The following DCDC2 variants were observed in gnomAD, a reference collection of about 807,000 sequenced individuals.
DCDC2 encodes the protein doublecortin domain containing 2.
In DCDC2, 40 loss-of-function variants were observed where a neutral mutation model predicts 50.2. The observed-to-expected ratio is 0.80, with a 90% CI of 0.62 to 1.04. The LOEUF (loss-of-function observed/expected upper bound fraction) is 1.04. DCDC2 is among the 50% of genes least tolerant of loss of function. The pLI is 0.00. For synonymous variants in DCDC2, 234 were observed against 210.6 expected (o/e 1.11, Z -0.96); for missense variants, 570 against 581.9 (o/e 0.98, Z 0.21).
the DCDC2 span, among the ~76,000 whole-genome samples, chr6:24,378,130 T>G: frequency 6.6e-6 from 1 of 152,238 alleles, no homozygotes; most frequent in Non-Finnish European, 1.5e-5. Context: ...AAACAGAAAT[T>G]GACCAGACCC....
At chr6:24,196,879 A>G (rs1189329574) in intron 8 of DCDC2, among the ~76,000 whole-genome samples, 3 of 152,228 alleles carry the variant, frequency 2.0e-5, no homozygotes, top group Non-Finnish European at 4.4e-5. Flanking sequence ...TGGTCTTACT[A>G]TAATGAAACT....
intron 2 of DCDC2, among the ~76,000 whole-genome samples, chr6:24,330,598 G>A (rs1430955331): frequency 6.6e-6 from 1 of 152,170 alleles, no homozygotes; most frequent in African/African-American, 2.4e-5. Flanking sequence ...TAGTGTGCAA[G>A]GCAGGCTATC....
intron 2 of DCDC2, among the ~76,000 whole-genome samples, chr6:24,327,719 C>T (rs1230009901): frequency 6.6e-6 from 1 of 152,130 alleles, no homozygotes; most frequent in Non-Finnish European, 1.5e-5. Context: ...GGTGATCCAA[C>T]TCGCCTCAGC....
intron 8 of DCDC2, among the ~76,000 whole-genome samples, chr6:24,189,426 G>T (rs1324679125): frequency 6.6e-6 from 1 of 152,186 alleles, no homozygotes; most frequent in Non-Finnish European, 1.5e-5. Flanking sequence ...TCCACAGGCA[G>T]ATGGGGCTGC....
chr6:24,364,173 C>T, the DCDC2 span, among the ~76,000 whole-genome samples: 1 of 152,282 alleles, frequency 6.6e-6, no homozygotes, highest in Admixed American at 6.5e-5. Context: ...GAAATCTTCT[C>T]TACCCCACTC....
At chr6:24,250,541 G>A (rs575559869) in intron 7 of DCDC2, among the ~76,000 whole-genome samples, 1 of 152,296 alleles carries the variant, frequency 6.6e-6, no homozygotes, top group African/African-American at 2.4e-5. Context: ...CTAAAAGCAT[G>A]TTGTCCCTTC....
At chr6:24,228,563 C>A (rs1762279526) in intron 7 of DCDC2, among the ~76,000 whole-genome samples, 2 of 152,144 alleles carry the variant, frequency 1.3e-5, no homozygotes, top group Non-Finnish European at 2.9e-5. Flanking sequence ...TGGTATTTTT[C>A]AAGCTGTGAT....
At chr6:24,318,780 C>CGGGTGTGTGTGTGTGT (rs140618484) in intron 2 of DCDC2, among the ~76,000 whole-genome samples, 1 of 149,558 alleles carries the variant, frequency 6.7e-6, no homozygotes, top group Non-Finnish European at 1.5e-5. Flanking sequence ...TATATACGTA[C>CGGGTGTGTGTGTGTGT]GTGTGTGTGT....
chr6:24,358,785 A>T (rs1760538608), upstream of DCDC2, among the ~76,000 whole-genome samples: 1 of 82,066 alleles, frequency 1.2e-5, no homozygotes, highest in African/African-American at 4.8e-5. Flanking sequence ...TATATAATAT[A>T]TAAAATATAT....
At chr6:24,344,487 T>C (rs141332395) in intron 2 of DCDC2, among the ~76,000 whole-genome samples, 70 of 152,364 alleles carry the variant, frequency 4.6e-4, no homozygotes, top group African/African-American at 1.6e-3. Flanking sequence ...TTCACAGTTA[T>C]TAAGCTTCCT....
At chr6:24,238,558 C>T (rs1208185786) in intron 7 of DCDC2, among the ~76,000 whole-genome samples, 1 of 152,004 alleles carries the variant, frequency 6.6e-6, no homozygotes, top group African/African-American at 2.4e-5. Flanking sequence ...CTCAGCCTCC[C>T]AAAGTGCTGG....
At chr6:24,293,942 A>G (rs1763803927) in intron 4 of DCDC2, among the ~76,000 whole-genome samples, 1 of 152,240 alleles carries the variant, frequency 6.6e-6, no homozygotes, top group Non-Finnish European at 1.5e-5. Flanking sequence ...TGGGGTAAAT[A>G]ATAAAATTAA....
Position 24,333,767 on chromosome 6 carries a change from A to G in DCDC2, c.348+19802T>C, listed in dbSNP as rs75941292. On this transcript the variant is annotated intron_variant, in intron 2 of 9. Transcript: ENST00000378454. ...GAAATAAAATATAAAACAGAATGCA[A>G]AAGCTGAATGGGTGCAAGGAGACAC... is the stretch of plus-strand genomic sequence containing the variant. 7.4e-3 allele frequency among the ~76,000 whole-genome samples: 1,125 copies of G among 152,316 alleles called. 13 individuals are homozygous for G. The highest frequency in any genetic ancestry group is 0.025 in the African/African-American group (1,039 of 41,580).
intron 2 of DCDC2, among the ~76,000 whole-genome samples, chr6:24,306,527 TAGATAGATAGATAGATAGACAGACAGAC>T (rs951415198): frequency 2.1e-5 from 3 of 141,694 alleles, no homozygotes; most frequent in African/African-American, 8.2e-5. Context: ...GATAGATAGA[TAGATAGATAGATAGATAGACAGACAGAC>T]AGACAGACAG....
At chr6:24,233,049 T>C (rs1762371309) in intron 7 of DCDC2, among the ~76,000 whole-genome samples, 1 of 152,220 alleles carries the variant, frequency 6.6e-6, no homozygotes, top group South Asian at 2.1e-4. Flanking sequence ...ATGTTTAATA[T>C]GTTTTCAAGG....
chr6:24,225,086 G>T (rs1762200409), intron 7 of DCDC2, among the ~76,000 whole-genome samples: 2 of 152,162 alleles, frequency 1.3e-5, no homozygotes, highest in South Asian at 4.1e-4. Flanking sequence ...AGAGGTTTAA[G>T]TCTACTCCCA....
At chr6:24,208,232 G>C (rs892249390) in intron 7 of DCDC2, among the ~76,000 whole-genome samples, 1 of 152,064 alleles carries the variant, frequency 6.6e-6, no homozygotes, top group Admixed American at 6.6e-5. Flanking sequence ...CTGTCCCTGG[G>C]TGGTGGCCCA....
chr6:24,368,554 G>A, the DCDC2 span, among the ~76,000 whole-genome samples: 6 of 152,144 alleles, frequency 3.9e-5, no homozygotes, highest in African/African-American at 1.2e-4. Flanking sequence ...GATCTTCAAT[G>A]TGTTTTGAAA....
At chr6:24,256,362 T>G (rs186600870) in intron 7 of DCDC2, among the ~76,000 whole-genome samples, 64 of 151,970 alleles carry the variant, frequency 4.2e-4, no homozygotes, top group African/African-American at 1.4e-3. Context: ...ATTTAAGCAC[T>G]CTTTTGTATG....
Sources: gnomAD v4.1 joint callset for allele counts (sites outside exome capture counted in the v4.1 genomes callset) on GRCh38, gnomAD v4.1.1 for gene constraint, MANE v1.5 for transcripts, NCBI Gene and HGNC (gene_info 2026-07-23, HGNC 2026-07-21) for gene names.